CDH18: variants seen among roughly 807,000 people sequenced by gnomAD.
CDH18 encodes cadherin-18.
In CDH18, 31 loss-of-function variants were observed where a neutral mutation model predicts 67.9. That is an observed-to-expected ratio of 0.46 (90% CI 0.34 to 0.62). The LOEUF is 0.62. Ranked by LOEUF, CDH18 falls within the 20% of genes least tolerant of loss-of-function variation. The pLI is 0.01. For synonymous variants in CDH18, 362 were observed against 347.2 expected, an observed-to-expected ratio of 1.04 and a Z score of -0.48; for missense variants, 890 against 975.5, an observed-to-expected ratio of 0.91 and a Z score of 1.17.
intron 3 of CDH18, among the ~76,000 whole-genome samples, chr5:19,775,754 A>G (rs1238482508): frequency 6.6e-6 from 1 of 152,200 alleles, no homozygotes; most frequent in Admixed American, 6.5e-5. Flanking sequence ...TACATCAGCA[A>G]TATAAGACAA....
intron 1 of CDH18, among the ~76,000 whole-genome samples, chr5:20,555,408 CTTTTTTTTT>C (rs774396694): frequency 2.0e-4 from 21 of 103,642 alleles, no homozygotes; most frequent in African/African-American, 7.8e-4. Flanking sequence ...ACAAGCTTTT[CTTTTTTTTT>C]TTTTTTTTTT....
intron 9 of CDH18, among the ~76,000 whole-genome samples, chr5:19,524,859 C>T (rs949344567): frequency 5.3e-5 from 8 of 152,136 alleles, no homozygotes; most frequent in Non-Finnish European, 8.8e-5. Context: ...CATTCTCCTG[C>T]CTCAGCCTCC....
chr5:20,021,005 G>C (rs1044100031), intron 2 of CDH18, among the ~76,000 whole-genome samples: 4 of 151,800 alleles, frequency 2.6e-5, no homozygotes, highest in Admixed American at 6.6e-5. Context: ...AGGTTCTCAA[G>C]GCCTTGGGAC....
chr5:19,678,700 A>G (rs1759841476), intron 5 of CDH18, among the ~76,000 whole-genome samples: 1 of 151,684 alleles, frequency 6.6e-6, no homozygotes, highest in African/African-American at 2.4e-5. Context: ...TAAAACCTAG[A>G]AAAAAAATGA....
intron 1 of CDH18, among the ~76,000 whole-genome samples, chr5:20,298,327 C>A (rs1040751940): frequency 6.6e-6 from 1 of 152,034 alleles, no homozygotes; most frequent in African/African-American, 2.4e-5. Context: ...AGGTAACTTA[C>A]GGTGCAACAG....
chr5:20,414,765 T>G (rs775748769), intron 1 of CDH18, among the ~76,000 whole-genome samples: 11 of 152,122 alleles, frequency 7.2e-5, no homozygotes, highest in Non-Finnish European at 1.5e-4. Context: ...AAAACCATAA[T>G]GAGATATCGT....
intron 2 of CDH18, among the ~76,000 whole-genome samples, chr5:20,115,270 C>CTTTTTTTTTTTTTTTT (rs753438800): frequency 5.2e-5 from 3 of 58,138 alleles, no homozygotes; most frequent in African/African-American, 7.4e-5. Context: ...AGGGCCTCAT[C>CTTTTTTTTTTTTTTTT]TTTTTTTTTT....
chr5:19,608,233 A>G (rs1748381908), intron 6 of CDH18, among the ~76,000 whole-genome samples: 1 of 151,716 alleles, frequency 6.6e-6, no homozygotes, highest in Non-Finnish European at 1.5e-5. Context: ...TATCAAAATC[A>G]AATATATACT....
At chr5:20,482,617 A>T (rs1210330064) in intron 1 of CDH18, among the ~76,000 whole-genome samples, 1 of 152,158 alleles carries the variant, frequency 6.6e-6, no homozygotes, top group East Asian at 1.9e-4. Flanking sequence ...GTGTGGTTCA[A>T]CATACACAAA....
intron 5 of CDH18, among the ~76,000 whole-genome samples, chr5:19,669,232 A>G (rs1470588881): frequency 6.8e-6 from 1 of 146,982 alleles, no homozygotes; most frequent in African/African-American, 2.5e-5. Context: ...TATATGTTTA[A>G]CTATATGATA....
At chr5:20,415,801 T>A (rs1376175321) in intron 1 of CDH18, among the ~76,000 whole-genome samples, 2 of 151,048 alleles carry the variant, frequency 1.3e-5, no homozygotes, top group African/African-American at 4.9e-5. Flanking sequence ...AATAAATATA[T>A]AAAAAAATAA....
intron 1 of CDH18, among the ~76,000 whole-genome samples, chr5:20,408,015 G>C (rs1163402375): frequency 6.6e-6 from 1 of 151,758 alleles, no homozygotes; most frequent in Non-Finnish European, 1.5e-5. Flanking sequence ...AAAGCAACAA[G>C]AAAAAAGAGA....
chr5:19,853,285 A>G (rs1357057538), intron 2 of CDH18, among the ~76,000 whole-genome samples: 1 of 152,092 alleles, frequency 6.6e-6, no homozygotes, highest in African/African-American at 2.4e-5. Context: ...GGGCAGAGAC[A>G]GAGGAAGCTC....
intron 8 of CDH18, among the ~76,000 whole-genome samples, chr5:19,564,035 C>T (rs987936748): frequency 6.6e-5 from 10 of 152,210 alleles, no homozygotes; most frequent in African/African-American, 2.2e-4. Flanking sequence ...TTTAGACCAG[C>T]ACAGGCTAGA....
chr5:19,511,980 C>T lies in CDH18; in HGVS notation c.1512+8677G>A, dbSNP rs186862177. Among the ~76,000 whole-genome samples the T allele has an allele frequency of 1.6e-3, 238 of 152,230 alleles. 1 individual carries two copies. The highest frequency in any genetic ancestry group is 1.1e-3 in the Non-Finnish European group (76 of 68,006). ...GCCCCTCCCATCACCAACCTAGAGG[C>T]CTAGGAGGAAAAACTGTTTTTGTGG... On this transcript the variant is annotated intron_variant, in intron 10 of 12. Coordinates refer to ENST00000382275, the MANE Select transcript of CDH18 (RefSeq NM_004934.5).
At chr5:20,383,139 T>C (rs889213813) in intron 1 of CDH18, among the ~76,000 whole-genome samples, 1 of 152,198 alleles carries the variant, frequency 6.6e-6, no homozygotes, top group Non-Finnish European at 1.5e-5. Flanking sequence ...GCTGCATTAA[T>C]TCTGCCATAG....
At chr5:20,226,103 T>C (rs1270704094) in intron 2 of CDH18, among the ~76,000 whole-genome samples, 3 of 152,074 alleles carry the variant, frequency 2.0e-5, no homozygotes, top group Non-Finnish European at 4.4e-5. Flanking sequence ...GAGTCGGAAA[T>C]CTTTATTGTT....
At chr5:19,550,187 A>G (rs926851442) in intron 8 of CDH18, among the ~76,000 whole-genome samples, 2 of 152,180 alleles carry the variant, frequency 1.3e-5, no homozygotes, top group African/African-American at 4.8e-5. Context: ...TAGGTAGGAA[A>G]GAAACCACAC....
At chr5:20,116,615 CT>C (rs1381603600) in intron 2 of CDH18, among the ~76,000 whole-genome samples, 2 of 152,094 alleles carry the variant, frequency 1.3e-5, no homozygotes, top group Non-Finnish European at 2.9e-5. Context: ...AAATTAACCA[CT>C]TTCAATCTTA....
Sources: gnomAD v4.1 joint callset for allele counts (sites outside exome capture counted in the v4.1 genomes callset) on GRCh38, gnomAD v4.1.1 for gene constraint, MANE v1.5 for transcripts, NCBI Gene and HGNC (gene_info 2026-07-23, HGNC 2026-07-21) for gene names.